Variants in HCN1 observed in about 807,000 individuals in gnomAD.
HCN1 encodes the protein potassium/sodium hyperpolarization-activated cyclic nucleotide-gated channel 1.
Under a neutral mutation model 78.9 loss-of-function variants are expected in HCN1, and 13 were observed. The observed-to-expected ratio is 0.16, with a 90% confidence interval of 0.11 to 0.26. HCN1 has a LOEUF of 0.26. Ranked by LOEUF, HCN1 falls within the 10% of genes least tolerant of loss-of-function variation. The pLI is 1.00. For synonymous variants in HCN1, 552 were observed against 455.5 expected (o/e 1.21, Z -2.70); for missense variants, 810 against 1,154.3 (o/e 0.70, Z 4.32).
intron 2 of HCN1, among the ~76,000 whole-genome samples, chr5:45,610,391 A>G (rs1159012316): frequency 2.0e-5 from 3 of 151,928 alleles, no homozygotes; most frequent in Non-Finnish European, 2.9e-5. Context: ...ATAAAACTTC[A>G]TGCTGAAATT....
intron 5 of HCN1, among the ~76,000 whole-genome samples, chr5:45,312,484 G>C (rs370293499): frequency 1.3e-5 from 2 of 152,126 alleles, no homozygotes; most frequent in African/African-American, 4.8e-5. Context: ...CTGAGGTACC[G>C]GGTTCATCTC....
chr5:45,274,869 A>C (rs1293812607), intron 6 of HCN1, among the ~76,000 whole-genome samples: 1 of 152,208 alleles, frequency 6.6e-6, no homozygotes, highest in Non-Finnish European at 1.5e-5. Context: ...TAGTTCCTAC[A>C]TTATTGGACT....
At chr5:45,601,884 C>T (rs572413333) in intron 2 of HCN1, among the ~76,000 whole-genome samples, 94 of 152,072 alleles carry the variant, frequency 6.2e-4, no homozygotes, top group Non-Finnish European at 1.1e-3. Flanking sequence ...GTATCCCCAC[C>T]CAAATCTCAT....
chr5:45,269,825 G>C (rs1744927198), intron 6 of HCN1, among the ~76,000 whole-genome samples: 1 of 152,114 alleles, frequency 6.6e-6, no homozygotes, highest in Non-Finnish European at 1.5e-5. Flanking sequence ...CTGTGGTCCT[G>C]TTGTCTCTTA....
At chr5:45,398,704 G>T (rs1051555566) in intron 3 of HCN1, among the ~76,000 whole-genome samples, 1 of 152,094 alleles carries the variant, frequency 6.6e-6, no homozygotes, top group Admixed American at 6.6e-5. Flanking sequence ...TTTATATATT[G>T]TATTGCTATA....
chr5:45,454,454 C>A (rs1364739436), intron 3 of HCN1, among the ~76,000 whole-genome samples: 1 of 145,888 alleles, frequency 6.9e-6, no homozygotes, highest in African/African-American at 2.5e-5. Flanking sequence ...GACTTGTCAG[C>A]AAATTAGTTA....
intron 4 of HCN1, among the ~76,000 whole-genome samples, chr5:45,395,698 C>T (rs1161123192): frequency 6.6e-6 from 1 of 152,110 alleles, no homozygotes; most frequent in African/African-American, 2.4e-5. Context: ...ATGACTCTGT[C>T]AGGATCAACA....
In HCN1 at chr5:45,260,847, A is replaced by G. The variant is rs1423469043; in HGVS notation, c.*1074T>C. 2 of 152,748 alleles carry G rather than the reference A, an allele frequency of 1.3e-5. No homozygotes were observed. The highest frequency in any genetic ancestry group is 3.9e-4 in the East Asian group (2 of 5,180). 9.5% of individuals were successfully genotyped at this position (152,748 alleles called of 1,614,324 possible). ...GAATTGTTATGCTTTTCTAGAAACG[A>G]GAAATACTGTAAGCCTTTCTCTACA... On this transcript the variant is annotated 3_prime_UTR_variant, in exon 8 of 8. Transcript: ENST00000303230.
At chr5:45,453,751 C>A (rs750336027) in intron 3 of HCN1, among the ~76,000 whole-genome samples, 31 of 152,072 alleles carry the variant, frequency 2.0e-4, no homozygotes, top group Non-Finnish European at 3.8e-4. Flanking sequence ...TATTTTTACT[C>A]ATTTCCTTCA....
intron 2 of HCN1, among the ~76,000 whole-genome samples, chr5:45,580,560 T>G (rs549930415): frequency 6.6e-6 from 1 of 152,296 alleles, no homozygotes; most frequent in Admixed American, 6.5e-5. Flanking sequence ...ATTATACTTT[T>G]AAGTTTTAGG....
intron 2 of HCN1, among the ~76,000 whole-genome samples, chr5:45,518,762 T>C (rs1337318108): frequency 2.6e-5 from 4 of 151,942 alleles, no homozygotes; most frequent in African/African-American, 7.2e-5. Context: ...TTTCAGCCAG[T>C]AATTTGTTGA....
At chr5:45,377,157 A>G (rs925084458) in intron 4 of HCN1, among the ~76,000 whole-genome samples, 1 of 152,038 alleles carries the variant, frequency 6.6e-6, no homozygotes, top group Non-Finnish European at 1.5e-5. Context: ...AAATATCGCA[A>G]TAATAAACGT....
At chr5:45,417,777 A>C (rs1469897337) in intron 3 of HCN1, among the ~76,000 whole-genome samples, 1 of 149,608 alleles carries the variant, frequency 6.7e-6, no homozygotes, top group African/African-American at 2.5e-5. Context: ...AAAAAAAAAA[A>C]CAAGGTCACG....
intron 2 of HCN1, among the ~76,000 whole-genome samples, chr5:45,589,045 G>A (rs900504715): frequency 6.6e-6 from 1 of 152,180 alleles, no homozygotes; most frequent in African/African-American, 2.4e-5. Context: ...GTGGTTCTGA[G>A]AGAGAGCTTT....
At chr5:45,371,652 G>A (rs1747362808) in intron 4 of HCN1, among the ~76,000 whole-genome samples, 1 of 150,352 alleles carries the variant, frequency 6.7e-6, no homozygotes, top group South Asian at 2.1e-4. Context: ...AGCTACTCGT[G>A]AGGCTGAGGC....
At chr5:45,498,026 CT>C (rs1742086044) in intron 2 of HCN1, among the ~76,000 whole-genome samples, 1 of 152,076 alleles carries the variant, frequency 6.6e-6, no homozygotes, top group Non-Finnish European at 1.5e-5. Flanking sequence ...ACATTTTTTC[CT>C]TCATTTCAAC....
intron 2 of HCN1, among the ~76,000 whole-genome samples, chr5:45,468,319 C>A (rs955223512): frequency 3.3e-5 from 5 of 151,992 alleles, no homozygotes; most frequent in Non-Finnish European, 2.9e-5. Context: ...AGTTATAGAA[C>A]AGAATGTATT....
intron 5 of HCN1, among the ~76,000 whole-genome samples, chr5:45,350,750 A>G (rs1051812140): frequency 5.3e-5 from 8 of 151,854 alleles, no homozygotes; most frequent in Middle Eastern, 3.4e-3. Context: ...CAGAGAGCCA[A>G]ATCATGAGTG....
chr5:45,391,912 G>A (rs932033356), intron 4 of HCN1, among the ~76,000 whole-genome samples: 5 of 152,016 alleles, frequency 3.3e-5, no homozygotes, highest in African/African-American at 1.2e-4. Flanking sequence ...GCCTTCCAAA[G>A]GAAAAGGCAG....
Sources: allele counts gnomAD v4.1 joint callset (sites outside exome capture counted in the v4.1 genomes callset), GRCh38; gene constraint gnomAD v4.1.1; transcripts MANE v1.5; gene names NCBI Gene and HGNC (gene_info 2026-07-23, HGNC 2026-07-21).